Variants in PRKG1 observed in about 807,000 individuals in gnomAD.
PRKG1 encodes the protein cGMP-dependent protein kinase 1.
In PRKG1, 35 loss-of-function variants were observed where a neutral mutation model predicts 88.1. That is an observed-to-expected ratio of 0.40 (90% confidence interval 0.30 to 0.53). The LOEUF (loss-of-function observed/expected upper bound fraction) is 0.53, where lower values mean the gene tolerates loss of function less well. PRKG1 is among the 20% of genes least tolerant of loss of function. The pLI, the probability that PRKG1 is intolerant of heterozygous loss-of-function variation, is 0.59. For synonymous variants in PRKG1, 303 were observed against 292.5 expected (o/e 1.04, Z -0.37); for missense variants, 540 against 839.8 (o/e 0.64, Z 4.41).
At chr10:51,984,676 A>G (rs865839799) in intron 5 of PRKG1, among the ~76,000 whole-genome samples, 15 of 152,250 alleles carry the variant, frequency 9.9e-5, no homozygotes, top group African/African-American at 2.9e-4. Context: ...ATGTGCTACA[A>G]TGTAACTCTC....
chr10:51,272,708 T>TA, intron 2 of PRKG1, among the ~76,000 whole-genome samples: 2 of 152,288 alleles, frequency 1.3e-5, no homozygotes, highest in East Asian at 3.9e-4. Flanking sequence ...AAATTTGTCT[T>TA]AGTCTTGGAA....
chr10:52,148,068 C>A (rs974684027), intron 8 of PRKG1, among the ~76,000 whole-genome samples: 6 of 152,128 alleles, frequency 3.9e-5, no homozygotes, highest in African/African-American at 1.4e-4. Flanking sequence ...AATCAGTGTA[C>A]TATGTAAGAA....
intron 1 of PRKG1, chr10:51,068,436 C>T (rs1176760437): frequency 1.3e-5 from 2 of 151,976 alleles, no homozygotes; most frequent in Non-Finnish European, 2.9e-5. Flanking sequence ...ATTCAATTCA[C>T]CCAAATTTCT....
At chr10:52,012,672 G>A (rs188562239) in intron 5 of PRKG1, among the ~76,000 whole-genome samples, 2 of 152,164 alleles carry the variant, frequency 1.3e-5, no homozygotes, top group Non-Finnish European at 2.9e-5. Flanking sequence ...CAGGCATCTG[G>A]CTTATTTGCC....
chr10:52,292,369 C>T (rs1185148418), intron 17 of PRKG1, among the ~76,000 whole-genome samples: 3 of 149,894 alleles, frequency 2.0e-5, no homozygotes, highest in Non-Finnish European at 4.5e-5. Flanking sequence ...ATGCCTAGGT[C>T]TTCTTCTAGG....
intron 2 of PRKG1, among the ~76,000 whole-genome samples, chr10:51,163,414 A>G (rs1224575651): frequency 1.3e-5 from 2 of 152,326 alleles, no homozygotes; most frequent in East Asian, 3.9e-4. Context: ...GGCAGCCAAG[A>G]TGGCCAAATA....
chr10:51,296,480 A>G (rs1380225351), intron 2 of PRKG1, among the ~76,000 whole-genome samples: 1 of 152,072 alleles, frequency 6.6e-6, no homozygotes, highest in African/African-American at 2.4e-5. Flanking sequence ...ATTGTTCACA[A>G]TAGTCCCTAA....
At chr10:52,003,580 A>G (rs1232819772) in intron 5 of PRKG1, among the ~76,000 whole-genome samples, 1 of 152,178 alleles carries the variant, frequency 6.6e-6, no homozygotes, top group Non-Finnish European at 1.5e-5. Flanking sequence ...TTCAGCAAAC[A>G]TTATTGAACA....
At chr10:51,793,301 G>GCAGAACAGAAGA (rs1200224167) in intron 3 of PRKG1, among the ~76,000 whole-genome samples, 1 of 151,894 alleles carries the variant, frequency 6.6e-6, no homozygotes, top group Non-Finnish European at 1.5e-5. Context: ...GAGCATCAGT[G>GCAGAACAGAAGA]CAGAACAGAA....
intron 5 of PRKG1, among the ~76,000 whole-genome samples, chr10:51,942,972 T>C (rs1842943390): frequency 6.6e-6 from 1 of 151,910 alleles, no homozygotes; most frequent in South Asian, 2.1e-4. Context: ...GAAAGTAGTT[T>C]TTTCCAATTC....
intron 1 of PRKG1, among the ~76,000 whole-genome samples, chr10:51,065,278 A>G (rs996885123): frequency 2.6e-5 from 4 of 152,136 alleles, no homozygotes; most frequent in Non-Finnish European, 4.4e-5. Context: ...TACATAAAAG[A>G]GCACTGTACC....
At chr10:51,863,491 T>G (rs764187958) in intron 4 of PRKG1, among the ~76,000 whole-genome samples, 30 of 152,222 alleles carry the variant, frequency 2.0e-4, no homozygotes, top group Non-Finnish European at 2.5e-4. Context: ...TTCTTGCCTT[T>G]ATTCTTTAAG....
At position 52,011,248 on chromosome 10, in the gene PRKG1, AT is replaced by A. The variant is rs1179447987; in HGVS notation, c.763-43229del. Among the ~76,000 whole-genome samples the A allele has an allele frequency of 2.0e-5, 3 of 152,000 alleles. No homozygotes were observed. The East Asian group carries it at 5.8e-4, about 29-fold the overall frequency. ...CATCCAGGCTTTATTTTTAGAATTCATTTTTTTATGCTACATAGTTCTAGGC... is the reference window on the plus strand; with the variant it reads ...CATCCAGGCTTTATTTTTAGAATTCATTTTTTATGCTACATAGTTCTAGGC... On this transcript the variant is annotated intron_variant, in intron 5 of 17. Coordinates refer to ENST00000373980, the MANE Select transcript of PRKG1 (RefSeq NM_006258.4).
intron 9 of PRKG1, among the ~76,000 whole-genome samples, chr10:52,196,171 C>A (rs1292159949): frequency 6.6e-6 from 1 of 152,090 alleles, no homozygotes; most frequent in Non-Finnish European, 1.5e-5. Flanking sequence ...CGCCACCACG[C>A]CTGGCTAATT....
intron 4 of PRKG1, among the ~76,000 whole-genome samples, chr10:51,884,785 C>A (rs968723447): frequency 6.6e-6 from 1 of 152,108 alleles, no homozygotes; most frequent in Non-Finnish European, 1.5e-5. Context: ...AAGCTACAGG[C>A]CTTTTTATGT....
chr10:51,766,063 C>T (rs895555508), intron 3 of PRKG1, among the ~76,000 whole-genome samples: 5 of 151,970 alleles, frequency 3.3e-5, no homozygotes, highest in Non-Finnish European at 5.9e-5. Flanking sequence ...AGCAGTCTCT[C>T]GTTGCCCAAG....
intron 4 of PRKG1, among the ~76,000 whole-genome samples, chr10:51,903,382 G>A (rs1842021326): frequency 6.6e-6 from 1 of 151,980 alleles, no homozygotes; most frequent in Non-Finnish European, 1.5e-5. Flanking sequence ...GTATGATCAT[G>A]GTATTAAGGC....
chr10:51,205,117 A>ATTTTC (rs1838013204), intron 2 of PRKG1, among the ~76,000 whole-genome samples: 1 of 43,598 alleles, frequency 2.3e-5, no homozygotes, highest in African/African-American at 7.4e-5. Context: ...AAGAATTTTC[A>ATTTTC]TTTTCTTTTC....
chr10:51,228,687 A>G (rs756114667), intron 2 of PRKG1, among the ~76,000 whole-genome samples: 2 of 152,214 alleles, frequency 1.3e-5, no homozygotes, highest in African/African-American at 2.4e-5. Flanking sequence ...GCTGCTTTCA[A>G]TTGCATGTAC....
Sources: allele counts gnomAD v4.1 joint callset (sites outside exome capture counted in the v4.1 genomes callset), GRCh38; gene constraint gnomAD v4.1.1; transcripts MANE v1.5; gene names NCBI Gene and HGNC (gene_info 2026-07-23, HGNC 2026-07-21).